The following TMEM132B variants were observed in gnomAD, a reference collection of about 807,000 sequenced individuals.
The protein encoded by TMEM132B is transmembrane protein 132B.
In TMEM132B, 18 loss-of-function variants were observed where a neutral mutation model predicts 90.8. The observed-to-expected ratio is 0.20, with a 90% CI of 0.14 to 0.29. TMEM132B has a LOEUF of 0.29. TMEM132B is among the 10% of genes least tolerant of loss of function. TMEM132B has a pLI of 1.00. For missense variants in TMEM132B, 1,096 were observed against 1,326.8 expected (o/e 0.83, Z 2.70); for synonymous variants, 504 against 523.3 (o/e 0.96, Z 0.50).
chr12:125,412,102 C>A (rs1288549304), intron 2 of TMEM132B, among the ~76,000 whole-genome samples: 1 of 152,282 alleles, frequency 6.6e-6, no homozygotes, highest in East Asian at 1.9e-4. Context: ...TCTGAGGAAG[C>A]GTTTGCCCAC....
intron 2 of TMEM132B, among the ~76,000 whole-genome samples, chr12:125,409,875 GT>G (rs1276008146): frequency 1.3e-4 from 2 of 15,808 alleles, no homozygotes; most frequent in East Asian, 2.2e-3. Context: ...GTGGAGTGGA[GT>G]GAGTGGAGTG....
At chr12:125,435,474 G>T (rs1171024230) in intron 3 of TMEM132B, among the ~76,000 whole-genome samples, 1 of 152,268 alleles carries the variant, frequency 6.6e-6, no homozygotes, top group South Asian at 2.1e-4. Context: ...TGGTCGCCAA[G>T]CAAGGACATA....
chr12:125,485,642 G>A (rs541411196), intron 3 of TMEM132B, among the ~76,000 whole-genome samples: 12 of 152,214 alleles, frequency 7.9e-5, no homozygotes, highest in African/African-American at 1.2e-4. Flanking sequence ...CCCATACCGG[G>A]TATCTCATTT....
In TMEM132B at chr12:125,414,701, G is replaced by A. The variant is rs551374794; in HGVS notation, c.960-830G>A. ...GTTCAGTTAAGACATAGTAAGCAGT[G>A]GGCACCCCACGGCCTGCCTTCATCC... is the stretch of plus-strand genomic sequence containing the variant. On this transcript the variant is annotated intron_variant, in intron 2 of 8. Coordinates refer to ENST00000682704, the MANE Select transcript of TMEM132B (RefSeq NM_001366854.1). 2.6e-5 allele frequency among the ~76,000 whole-genome samples: 4 copies of A among 152,228 alleles called. No homozygotes were observed. In the South Asian group the frequency reaches 8.3e-4, roughly 32 times the overall value.
intron 1 of TMEM132B, among the ~76,000 whole-genome samples, chr12:125,335,395 C>T (rs1278457762): frequency 1.3e-5 from 2 of 152,206 alleles, no homozygotes; most frequent in African/African-American, 4.8e-5. Flanking sequence ...AAAGCTGATT[C>T]TACCTCCAGG....
chr12:125,579,209 T>A (rs1884998227), intron 4 of TMEM132B, among the ~76,000 whole-genome samples: 1 of 152,200 alleles, frequency 6.6e-6, no homozygotes, highest in Admixed American at 6.5e-5. Flanking sequence ...GATTCTTTTT[T>A]TCTGTCTGCT....
At chr12:125,555,881 G>T (rs891675174) in intron 4 of TMEM132B, among the ~76,000 whole-genome samples, 1 of 152,166 alleles carries the variant, frequency 6.6e-6, no homozygotes, top group Non-Finnish European at 1.5e-5. Flanking sequence ...GTATTTTGGG[G>T]TGGTGTTAAA....
chr12:125,323,544 GTC>G (rs1876485168), intron 1 of TMEM132B, among the ~76,000 whole-genome samples: 1 of 151,998 alleles, frequency 6.6e-6, no homozygotes, highest in South Asian at 2.1e-4. Context: ...TTGAGACAGG[GTC>G]TCTCTTGGTC....
intron 4 of TMEM132B, among the ~76,000 whole-genome samples, chr12:125,574,262 GA>G (rs1163354439): frequency 1.3e-5 from 2 of 151,796 alleles, no homozygotes; most frequent in Non-Finnish European, 2.9e-5. Context: ...TAATTAATAT[GA>G]AGCCCTTGTC....
chr12:125,315,260 G>A (rs1162088091), intron 1 of TMEM132B, among the ~76,000 whole-genome samples: 3 of 152,242 alleles, frequency 2.0e-5, no homozygotes, highest in Non-Finnish European at 2.9e-5. Flanking sequence ...GTGCAGTGGT[G>A]CAATCTCAGC....
At position 125,583,962 on chromosome 12, in the gene TMEM132B, G is replaced by C. The variant is rs1273189927; in HGVS notation, c.1405G>C (p.Glu469Gln). Residue 469 changes from glutamate (E) to glutamine (Q), a missense_variant, in exon 5 of 9, where the codon GAA becomes CAA. Glu to Gln is a conservative substitution (Grantham distance 29, BLOSUM62 2). Transcript: ENST00000682704. ...GSVVDVSESV[E>Q]CKSADEDVIK... is the part of the protein sequence containing the mutation. ...TGTGGTCGATGTGTCTGAGTCTGTGGAATGCAAGTCTGCCGATGAAGATGT... is the reference window on the plus strand; with the variant it reads ...TGTGGTCGATGTGTCTGAGTCTGTGCAATGCAAGTCTGCCGATGAAGATGT... 1 of 1,614,056 alleles carries C rather than the reference G, an allele frequency of 6.2e-7. No homozygotes were observed. Among genetic ancestry groups the C allele is most frequent in the Non-Finnish European group, 8.5e-7 (1 of 1,180,038 alleles).
In TMEM132B at chr12:125,307,152, A is replaced by G. The variant is rs559974722; in HGVS notation, c.68-42300A>G. ...TGCTTATCCTTCTTCATTTTTCTCC[A>G]TGTCATTTGCAGCTGTCTAGAATCC... On this transcript the variant is annotated intron_variant, in intron 1 of 8. Transcript: ENST00000682704. Among the ~76,000 whole-genome samples, 6 of 152,162 alleles carry G rather than the reference A, an allele frequency of 3.9e-5. No individual in the cohort carries two copies. The East Asian group carries it at 1.2e-3, about 29-fold the overall frequency.
At chr12:125,274,048 T>C (rs1874922411) in intron 1 of TMEM132B, among the ~76,000 whole-genome samples, 1 of 152,186 alleles carries the variant, frequency 6.6e-6, no homozygotes, top group Admixed American at 6.5e-5. Context: ...CTGAATTCTG[T>C]GTTCGTCATT....
At position 125,340,506 on chromosome 12, in the gene TMEM132B, G is replaced by A. The variant is rs1381467744; in HGVS notation, c.68-8946G>A. Among the ~76,000 whole-genome samples, 5 of 152,182 alleles carry A rather than the reference G, an allele frequency of 3.3e-5. No homozygotes were observed. The East Asian group carries it at 9.7e-4, about 29-fold the overall frequency. ...TGTCTATTTGATCCTGGGATATGGAGGAGGACTTTCTCAGCATAACATGGT... is the reference window on the plus strand; with the variant it reads ...TGTCTATTTGATCCTGGGATATGGAAGAGGACTTTCTCAGCATAACATGGT... On this transcript the variant is annotated intron_variant, in intron 1 of 8. Coordinates refer to ENST00000682704, the MANE Select transcript of TMEM132B (RefSeq NM_001366854.1).
intron 1 of TMEM132B, among the ~76,000 whole-genome samples, chr12:125,290,575 T>G (rs1339173030): frequency 6.6e-6 from 1 of 152,264 alleles, no homozygotes; most frequent in Non-Finnish European, 1.5e-5. Context: ...AAACATATCC[T>G]TCCGCAATGT....
intron 2 of TMEM132B, among the ~76,000 whole-genome samples, chr12:125,391,531 A>G (rs1566021333): frequency 1.3e-5 from 2 of 152,190 alleles, no homozygotes; most frequent in South Asian, 2.1e-4. Context: ...CAAGCCTGGC[A>G]GCAAAGTAGC....
At chr12:125,650,988 G>T in intron 7 of TMEM132B, 35 bp downstream of exon 7, 1 of 1,606,398 alleles carries the variant, frequency 6.2e-7, no homozygotes, top group Non-Finnish European at 8.5e-7. Flanking sequence ...ACAGCAGTCT[G>T]TGTTGATGAG....
chr12:125,459,105 G>T lies in TMEM132B; in HGVS notation c.1106+43428G>T, dbSNP rs1447712889. Among the ~76,000 whole-genome samples the T allele has an allele frequency of 6.6e-6, 1 of 152,142 alleles. No homozygotes were observed. Among genetic ancestry groups the T allele is most frequent in the Non-Finnish European group, 1.5e-5 (1 of 68,024 alleles). On this transcript the variant is annotated intron_variant, in intron 3 of 8. Transcript: ENST00000682704. The surrounding 1 kb of genome is among the most constrained non-coding windows in gnomAD (Gnocchi z 4.1). Reference sequence around the variant, plus strand: ...CATCTTATGCCTGAGTGGAGCCAACGAGGCCCCTGAGGCTCCCTGCTAATT... The same window carrying T: ...CATCTTATGCCTGAGTGGAGCCAACTAGGCCCCTGAGGCTCCCTGCTAATT...
intron 6 of TMEM132B, among the ~76,000 whole-genome samples, chr12:125,647,941 T>C (rs1370600851): frequency 2.7e-5 from 4 of 149,888 alleles, no homozygotes; most frequent in African/African-American, 4.9e-5. Flanking sequence ...TTAGGGTACA[T>C]GTGCACATTG....
Sources: gnomAD v4.1 joint callset for allele counts (sites outside exome capture counted in the v4.1 genomes callset) on GRCh38, gnomAD v4.1.1 for gene constraint, Gnocchi (gnomAD v3.1) non-coding constraint, MANE v1.5 for transcripts, NCBI Gene and HGNC (gene_info 2026-07-23, HGNC 2026-07-21) for gene names.